The following WDR59 variants were observed in gnomAD, a reference collection of about 807,000 sequenced individuals.
The protein encoded by WDR59 is GATOR2 complex protein WDR59.
WDR59 carries 100 observed loss-of-function variants against 131.2 expected under a neutral mutation model. That is an observed-to-expected ratio of 0.76 (90% CI 0.65 to 0.90). WDR59 has a LOEUF of 0.90. Among genes scored for constraint, WDR59 ranks in the 40% least tolerant of loss-of-function variants. WDR59 has a pLI of 0.00. For missense variants in WDR59, 1,203 were observed against 1,262.2 expected (o/e 0.95, Z 0.71); for synonymous variants, 601 against 466.2 (o/e 1.29, Z -3.72).
rs1474069016 is a variant in WDR59, at chr16:74,956,506, T to C, written c.209A>G (p.His70Arg). 6.2e-7 allele frequency: 1 copy of C among 1,614,086 alleles called. No homozygotes were observed. The highest frequency in any genetic ancestry group is 8.5e-7 in the Non-Finnish European group (1 of 1,180,024). Residue 70 changes from histidine to arginine, a missense_variant, in exon 3 of 26, where the codon CAT becomes CGT. Transcript: ENST00000262144. Reference protein sequence around the residue: ...WDIGAVQWNPHDSFAHYFAAS... With the variant: ...WDIGAVQWNPRDSFAHYFAAS... ...CGCAAAATAGTGTGCAAAGCTGTCA[T>C]GAGGATTCCACTGCACAGCTCCAAT...
intron 6 of WDR59, among the ~76,000 whole-genome samples, chr16:74,946,093 C>T (rs1347565084): frequency 6.6e-6 from 1 of 152,008 alleles, no homozygotes; most frequent in Non-Finnish European, 1.5e-5. Context: ...GGATTACAGG[C>T]GTGAGCCACC....
At chr16:74,885,346 G>T (rs1359441327) in intron 25 of WDR59, among the ~76,000 whole-genome samples, 2 of 146,964 alleles carry the variant, frequency 1.4e-5, no homozygotes, top group African/African-American at 5.0e-5. Context: ...AGCTACTCGG[G>T]AGGCTTAGGG....
chr16:74,977,801 G>T (rs1326008878), intron 1 of WDR59, among the ~76,000 whole-genome samples: 1 of 152,194 alleles, frequency 6.6e-6, no homozygotes, highest in African/African-American at 2.4e-5. Flanking sequence ...CCATAAACAG[G>T]TGAATGAATA....
chr16:74,958,592 C>CA (rs747175030), intron 2 of WDR59, among the ~76,000 whole-genome samples: 150 of 13,240 alleles, frequency 0.011, 25 homozygotes, highest in Non-Finnish European at 0.016. Context: ...GACTCCATCT[C>CA]AAAAAAAAAA....
At chr16:74,888,805 G>A (rs1368040520) in intron 21 of WDR59, among the ~76,000 whole-genome samples, 4 of 152,208 alleles carry the variant, frequency 2.6e-5, no homozygotes, top group African/African-American at 9.6e-5. Context: ...CTCTGGAGGT[G>A]CAGTTATGAA....
At chr16:74,935,677 A>C (rs2031740462) in intron 8 of WDR59, among the ~76,000 whole-genome samples, 1 of 152,202 alleles carries the variant, frequency 6.6e-6, no homozygotes, top group African/African-American at 2.4e-5. Context: ...TGTTATGCAA[A>C]GTCCCTTTTC....
chr16:74,981,629 T>C (rs1315347295), intron 1 of WDR59, among the ~76,000 whole-genome samples: 2 of 2,646 alleles, frequency 7.6e-4, no homozygotes, highest in Non-Finnish European at 2.5e-3. Flanking sequence ...TATATATATA[T>C]ATATATATAT....
At position 74,922,100 on chromosome 16, in the gene WDR59, A is replaced by G; in HGVS notation, c.733T>C (p.Phe245Leu). The G allele has an allele frequency of 6.2e-7, 1 of 1,614,092 alleles. No individual in the cohort carries two copies. The highest frequency in any genetic ancestry group is 8.5e-7 in the Non-Finnish European group (1 of 1,179,976). ...ATCACAGTCACCAATCCATTGCTGA[A>G]AGGCTAAGGCAGGGAAGGGAAAAGC... Reference protein sequence around the residue: ...VPVWKARYTPFSNGLVTVMVP... With the variant: ...VPVWKARYTPLSNGLVTVMVP... Residue 245 changes from phenylalanine to leucine, a missense_variant, in exon 10 of 26, where the codon TTC (phenylalanine) becomes CTC (leucine). Phe to Leu is a conservative substitution (Grantham distance 22). Coordinates refer to ENST00000262144, the MANE Select transcript of WDR59 (RefSeq NM_030581.4).
chr16:74,942,913 G>A, intron 6 of WDR59, 87 bp from the exon 7 acceptor site: 7 of 1,224,880 alleles, frequency 5.7e-6, no homozygotes, highest in Non-Finnish European at 8.2e-6. Flanking sequence ...TGGATAATGA[G>A]TTCTGGCTGA....
chr16:74,945,550 A>C (rs1191377102), intron 6 of WDR59, among the ~76,000 whole-genome samples: 1 of 151,986 alleles, frequency 6.6e-6, no homozygotes, highest in Non-Finnish European at 1.5e-5. Flanking sequence ...GCATCTGTAG[A>C]CCACCTGTAT....
At chr16:74,920,523 C>T (rs1299104176) in intron 10 of WDR59, among the ~76,000 whole-genome samples, 3 of 152,182 alleles carry the variant, frequency 2.0e-5, no homozygotes, top group Non-Finnish European at 4.4e-5. Flanking sequence ...GCCTCAGCCT[C>T]CGAAGTAGCT....
chr16:74,975,573 A>G (rs1597821787), intron 1 of WDR59, among the ~76,000 whole-genome samples: 1 of 151,772 alleles, frequency 6.6e-6, no homozygotes, highest in African/African-American at 2.4e-5. Context: ...CTGAGGCAGG[A>G]GAATTGCTTG....
chr16:74,923,998 C>A lies in WDR59; in HGVS notation c.657G>T (p.Trp219Cys), dbSNP rs2030524834. ...TSSQDNSVKFWDYRQPRKYLN... is the reference protein window; with the variant it reads ...TSSQDNSVKFCDYRQPRKYLN... ...GGTATTTCCGAGGCTGGCGGTAATCCCAGAACTAGAAGAGAGCAAGCAAGA... is the reference window on the plus strand; with the variant it reads ...GGTATTTCCGAGGCTGGCGGTAATCACAGAACTAGAAGAGAGCAAGCAAGA... The change falls in exon 9 of 26, where the codon TGG becomes TGT. Residue 219 changes from tryptophan to cysteine, a missense_variant. Physicochemically the swap from Trp to Cys is radical, Grantham distance 215. Coordinates refer to ENST00000262144, the MANE Select transcript of WDR59 (RefSeq NM_030581.4). 1 of 1,613,176 alleles carries A rather than the reference C, an allele frequency of 6.2e-7. No individual in the cohort carries two copies. The highest frequency in any genetic ancestry group is 1.7e-5 in the Admixed American group (1 of 59,910).
chr16:74,949,453 G>GGAAA (rs1277881378), intron 5 of WDR59, among the ~76,000 whole-genome samples: 2 of 150,522 alleles, frequency 1.3e-5, no homozygotes, highest in African/African-American at 4.9e-5. Flanking sequence ...AAGGAGGGAG[G>GGAAA]GAAGGAGAGA....
At chr16:74,917,342 A>T (rs1268315360) in intron 11 of WDR59, among the ~76,000 whole-genome samples, 1 of 152,228 alleles carries the variant, frequency 6.6e-6, no homozygotes, top group East Asian at 1.9e-4. Flanking sequence ...AAATGAACCC[A>T]CAGGGCACAT....
chr16:74,879,678 T>C (rs1964386984), intron 25 of WDR59, among the ~76,000 whole-genome samples: 1 of 152,070 alleles, frequency 6.6e-6, no homozygotes, highest in Non-Finnish European at 1.5e-5. Flanking sequence ...ACTCTGGAAA[T>C]AGTATCTTGT....
At chr16:74,942,712 T>A in intron 7 of WDR59, 26 bp downstream of exon 7, 1 of 1,610,830 alleles carries the variant, frequency 6.2e-7, no homozygotes, top group Non-Finnish European at 8.5e-7. Flanking sequence ...CAAAGACCAA[T>A]AAGGGCGAAA....
intron 1 of WDR59, among the ~76,000 whole-genome samples, chr16:74,968,624 G>C (rs1567440484): frequency 6.6e-6 from 1 of 152,076 alleles, no homozygotes; most frequent in Non-Finnish European, 1.5e-5. Context: ...AGGAGGCTGA[G>C]GTAGGAGGAT....
rs1002601431 is a variant in WDR59, at chr16:74,873,125, G to T, written c.*1084C>A. 2.6e-5 allele frequency: 4 copies of T among 152,042 alleles called. No homozygotes were observed. The highest frequency in any genetic ancestry group is 4.8e-5 in the African/African-American group (2 of 41,372). 9.4% of individuals were successfully genotyped at this position (152,042 alleles called of 1,614,324 possible). A position where few individuals can be genotyped will look rare whatever the true frequency, so the allele number is the denominator to read the frequency against. On this transcript the variant is annotated 3_prime_UTR_variant, in exon 26 of 26. Transcript: ENST00000262144. ...GGGTTTCACCATGTTGGCCAGGCTAGTCTCGAACTCCTGACCTCAGGTAAT... is the reference window on the plus strand; with the variant it reads ...GGGTTTCACCATGTTGGCCAGGCTATTCTCGAACTCCTGACCTCAGGTAAT...
Sources: gnomAD v4.1 joint callset for allele counts (sites outside exome capture counted in the v4.1 genomes callset) on GRCh38, gnomAD v4.1.1 for gene constraint, MANE v1.5 for transcripts, NCBI Gene and HGNC (gene_info 2026-07-23, HGNC 2026-07-21) for gene names.